LRP1B: variants seen among roughly 807,000 people sequenced by gnomAD.
LRP1B encodes LDL receptor related protein 1B, also known as low-density lipoprotein receptor-related protein 1B.
A neutral mutation model predicts 556.6 loss-of-function variants in LRP1B; 217 were observed. The ratio of observed to expected loss-of-function variants is 0.39; its 90% CI spans 0.35 to 0.44. The LOEUF (loss-of-function observed/expected upper bound fraction) is 0.44. Among genes scored for constraint, LRP1B ranks in the 20% least tolerant of loss-of-function variants. The pLI is 1.00. For synonymous variants in LRP1B, 2,047 were observed against 1,865.8 expected (o/e 1.10, Z -2.50); for missense variants, 5,053 against 5,620.8 (o/e 0.90, Z 3.23).
At chr2:141,855,855 G>T (rs1698032752) in intron 1 of LRP1B, among the ~76,000 whole-genome samples, 1 of 152,050 alleles carries the variant, frequency 6.6e-6, no homozygotes, top group Admixed American at 6.6e-5. Flanking sequence ...AATGACTAAA[G>T]AAAATACAAA....
At chr2:140,450,876 C>T (rs907927637) in intron 62 of LRP1B, among the ~76,000 whole-genome samples, 1 of 152,136 alleles carries the variant, frequency 6.6e-6, no homozygotes, top group African/African-American at 2.4e-5. Flanking sequence ...TTGAGATGAC[C>T]TGCAAACACA....
In LRP1B at chr2:140,512,734, CT is replaced by C. The variant is rs766135910; in HGVS notation, c.8269+1918del. On this transcript the variant is annotated intron_variant, in intron 51 of 90. Coordinates refer to ENST00000389484, the MANE Select transcript of LRP1B (RefSeq NM_018557.3). Reference sequence around the variant, plus strand: ...TATCAATAAAGAATGTGTTTACATCCTGCATCAGAATATTTTGAATTGGAAA... The same window carrying C: ...TATCAATAAAGAATGTGTTTACATCCGCATCAGAATATTTTGAATTGGAAA... Among the ~76,000 whole-genome samples the C allele has an allele frequency of 3.9e-5, 6 of 152,224 alleles. No individual in the cohort carries two copies. The South Asian group carries it at 8.3e-4, about 21-fold the overall frequency.
At chr2:140,615,783 C>T (rs1683235005) in intron 41 of LRP1B, among the ~76,000 whole-genome samples, 1 of 18,442 alleles carries the variant, frequency 5.4e-5, no homozygotes, top group African/African-American at 1.6e-4. Flanking sequence ...CCTCTTTACA[C>T]TTGTCCATAT....
intron 71 of LRP1B, among the ~76,000 whole-genome samples, chr2:140,369,560 T>C (rs1290338664): frequency 6.6e-6 from 1 of 151,816 alleles, no homozygotes; most frequent in Non-Finnish European, 1.5e-5. Flanking sequence ...TATAGACATT[T>C]AACATTTCAT....
intron 1 of LRP1B, among the ~76,000 whole-genome samples, chr2:142,075,198 A>G (rs1256962646): frequency 6.6e-6 from 1 of 152,130 alleles, no homozygotes; most frequent in Non-Finnish European, 1.5e-5. Context: ...TGTATTGAGC[A>G]TAGATAATAG....
intron 2 of LRP1B, among the ~76,000 whole-genome samples, chr2:141,750,187 C>A (rs1694058834): frequency 6.6e-6 from 1 of 152,118 alleles, no homozygotes; most frequent in Non-Finnish European, 1.5e-5. Context: ...TTCATGGAAT[C>A]CCCAAATGTA....
chr2:141,986,404 A>G (rs1260286247), intron 1 of LRP1B, among the ~76,000 whole-genome samples: 2 of 151,972 alleles, frequency 1.3e-5, no homozygotes, highest in African/African-American at 4.8e-5. Flanking sequence ...TCAACTTGCC[A>G]TGTATTCTAA....
chr2:142,125,474 C>T (rs1224356069), intron 1 of LRP1B, among the ~76,000 whole-genome samples: 3 of 151,774 alleles, frequency 2.0e-5, no homozygotes, highest in Non-Finnish European at 3.0e-5. Flanking sequence ...GCCAGTGGAA[C>T]TCACATATGG....
chr2:140,822,419 G>A (rs1691359430), intron 31 of LRP1B, among the ~76,000 whole-genome samples: 1 of 152,176 alleles, frequency 6.6e-6, no homozygotes, highest in Admixed American at 6.5e-5. Flanking sequence ...ATATGATTAT[G>A]ATACACTTCT....
At chr2:140,418,228 C>T (rs958357083) in intron 66 of LRP1B, among the ~76,000 whole-genome samples, 1 of 152,158 alleles carries the variant, frequency 6.6e-6, no homozygotes, top group African/African-American at 2.4e-5. Flanking sequence ...ATGTTTCAAA[C>T]ATCGCAGAGA....
intron 85 of LRP1B, among the ~76,000 whole-genome samples, chr2:140,273,019 G>A (rs1354585102): frequency 6.6e-6 from 1 of 151,880 alleles, no homozygotes; most frequent in South Asian, 2.1e-4. Flanking sequence ...GCGATACTGA[G>A]GGACCCTGAT....
intron 5 of LRP1B, among the ~76,000 whole-genome samples, chr2:141,246,352 A>C (rs2679452): frequency 0.13 from 19,477 of 152,220 alleles, 1,292 homozygotes; most frequent in South Asian, 0.22. Flanking sequence ...GGCATTGATG[A>C]TGAAACAAGA....
At chr2:140,811,573 C>T (rs1298560416) in intron 32 of LRP1B, among the ~76,000 whole-genome samples, 1 of 152,026 alleles carries the variant, frequency 6.6e-6, no homozygotes, top group Non-Finnish European at 1.5e-5. Context: ...GTTTGGGTTT[C>T]ATAAAGTACA....
intron 41 of LRP1B, among the ~76,000 whole-genome samples, chr2:140,676,025 G>A (rs1685660447): frequency 6.6e-6 from 1 of 152,054 alleles, no homozygotes; most frequent in African/African-American, 2.4e-5. Flanking sequence ...ATGTCATAAG[G>A]AAATTTAGAA....
At chr2:141,657,590 T>C (rs966985828) in intron 2 of LRP1B, among the ~76,000 whole-genome samples, 1 of 152,094 alleles carries the variant, frequency 6.6e-6, no homozygotes, top group South Asian at 2.1e-4. Flanking sequence ...CATTTCTCTT[T>C]TTTGTAATTT....
intron 7 of LRP1B, among the ~76,000 whole-genome samples, chr2:141,103,666 T>C (rs1322247038): frequency 1.3e-5 from 2 of 151,458 alleles, no homozygotes; most frequent in Non-Finnish European, 2.9e-5. Flanking sequence ...AATTCAATTC[T>C]TGCCAATACA....
At chr2:140,252,964 T>C (rs956304226) in intron 86 of LRP1B, among the ~76,000 whole-genome samples, 2 of 152,116 alleles carry the variant, frequency 1.3e-5, no homozygotes, top group African/African-American at 4.8e-5. Flanking sequence ...ATTCATTTGG[T>C]ATTTTTCAAT....
intron 2 of LRP1B, among the ~76,000 whole-genome samples, chr2:141,621,725 A>G (rs949894576): frequency 1.3e-5 from 2 of 152,232 alleles, no homozygotes; most frequent in African/African-American, 4.8e-5. Context: ...TTTGTCAGAG[A>G]TATTTCTTTC....
chr2:140,973,432 A>G (rs2105332475), intron 18 of LRP1B, among the ~76,000 whole-genome samples: 1 of 152,244 alleles, frequency 6.6e-6, no homozygotes, highest in Middle Eastern at 3.4e-3. Context: ...ATGGGGGGGT[A>G]GAGAGGACCT....
Sources: gnomAD v4.1 joint callset for allele counts (sites outside exome capture counted in the v4.1 genomes callset) on GRCh38, gnomAD v4.1.1 for gene constraint, MANE v1.5 for transcripts, NCBI Gene and HGNC (gene_info 2026-07-23, HGNC 2026-07-21) for gene names.